PARN: variants seen among roughly 807,000 people sequenced by gnomAD.
PARN encodes the protein poly(A)-specific ribonuclease PARN.
Under a neutral mutation model 102.8 loss-of-function variants are expected in PARN, and 71 were observed. The observed-to-expected ratio is 0.69, with a 90% confidence interval of 0.57 to 0.84. The LOEUF (loss-of-function observed/expected upper bound fraction) is 0.84. Ranked by LOEUF, PARN falls within the 40% of genes least tolerant of loss-of-function variation. The pLI is 0.00. For synonymous variants in PARN, 261 were observed against 252.9 expected, an observed-to-expected ratio of 1.03 and a Z score of -0.30; for missense variants, 782 against 760.9, an observed-to-expected ratio of 1.03 and a Z score of -0.33.
chr16:14,571,504 G>A (rs775555630), intron 18 of PARN, among the ~76,000 whole-genome samples: 8 of 151,964 alleles, frequency 5.3e-5, no homozygotes, highest in South Asian at 4.2e-4. Context: ...GGTTTTTTGC[G>A]GGAGGTCTCC....
chr16:14,551,524 G>A (rs1018229233), intron 21 of PARN, among the ~76,000 whole-genome samples: 1 of 151,984 alleles, frequency 6.6e-6, no homozygotes, highest in African/African-American at 2.4e-5. Flanking sequence ...AGCCGACATT[G>A]CGCCACTGCA....
At chr16:14,617,327 T>C (rs1313151118) in intron 6 of PARN, among the ~76,000 whole-genome samples, 2 of 138,394 alleles carry the variant, frequency 1.4e-5, no homozygotes, top group African/African-American at 2.7e-5. Flanking sequence ...GAGCTTGCAG[T>C]GAGCCGAGAT....
intron 18 of PARN, among the ~76,000 whole-genome samples, chr16:14,567,800 C>T (rs931609698): frequency 6.6e-6 from 1 of 152,228 alleles, no homozygotes; most frequent in Non-Finnish European, 1.5e-5. Flanking sequence ...ACAAATCACA[C>T]AGCCTCACCA....
chr16:14,498,309 C>T (rs757234756), intron 21 of PARN, among the ~76,000 whole-genome samples: 5 of 152,038 alleles, frequency 3.3e-5, no homozygotes, highest in Non-Finnish European at 7.4e-5. Flanking sequence ...TGTCTGTCAC[C>T]AAAAGCAGCC....
intron 18 of PARN, among the ~76,000 whole-genome samples, chr16:14,573,737 G>C (rs749058766): frequency 2.0e-5 from 3 of 152,180 alleles, no homozygotes; most frequent in Non-Finnish European, 4.4e-5. Context: ...AGTCTCACGA[G>C]ATCTGGTGTT....
intron 9 of PARN, among the ~76,000 whole-genome samples, chr16:14,607,410 G>A (rs1290237335): frequency 2.0e-5 from 3 of 152,048 alleles, no homozygotes; most frequent in Admixed American, 6.6e-5. Context: ...GTTTCACCAT[G>A]TTGGCCAGGC....
chr16:14,461,303 G>A (rs564099118), intron 22 of PARN, among the ~76,000 whole-genome samples: 16 of 152,292 alleles, frequency 1.1e-4, no homozygotes, highest in African/African-American at 3.4e-4. Flanking sequence ...GGTAAAAACC[G>A]AGGAAATGTG....
chr16:14,461,252 C>A (rs1366570621), intron 22 of PARN, among the ~76,000 whole-genome samples: 1 of 152,024 alleles, frequency 6.6e-6, no homozygotes. Context: ...AATATGGTAT[C>A]CTAGATGAGA....
Position 14,552,058 on chromosome 16 carries a change from T to C in PARN, c.1443A>G (p.Ala481=), listed in dbSNP as rs1013269390. 13 of 1,612,604 alleles carry C rather than the reference T, an allele frequency of 8.1e-6. No individual in the cohort carries two copies. In the African/African-American group the frequency reaches 1.7e-4, roughly 22 times the overall value. ...IQISWIDDTS[A]FVSLSQPEQV... ...GCTCGGGCTGGCTAAGGGAAACAAA[T>C]GCTGATGTGTCATCAATCCAGGATA... The change falls in exon 21 of 24, where the codon GCA becomes GCG. Residue 481 remains alanine, a synonymous_variant. Transcript: ENST00000437198.
intron 12 of PARN, among the ~76,000 whole-genome samples, chr16:14,599,037 CTTTTTT>C (rs71150194): frequency 3.7e-5 from 3 of 81,460 alleles, no homozygotes; most frequent in African/African-American, 4.9e-5. Context: ...TTCTCCTCTT[CTTTTTT>C]TTTTTTTTTT....
Position 14,627,110 on chromosome 16 carries a change from CA to C in PARN, c.322del (p.Cys108ValfsTer9). ...AATCTCAATTATGCTACTTACCTGA[CA>C]AACAAATTTGACATCTGGTGAGGAT... ...NRSSPDVKFV[C>X]QSSSIDFLAS... On this transcript the variant is annotated frameshift_variant, in exon 5 of 24. Coordinates refer to ENST00000437198, the MANE Select transcript of PARN (RefSeq NM_002582.4). LOFTEE classifies it high-confidence loss of function. 1 of 1,581,708 alleles carries C rather than the reference CA, an allele frequency of 6.3e-7. No homozygotes were observed. Among genetic ancestry groups the C allele is most frequent in the Non-Finnish European group, 8.7e-7 (1 of 1,152,676 alleles).
intron 22 of PARN, among the ~76,000 whole-genome samples, chr16:14,450,313 G>A (rs887951080): frequency 1.2e-4 from 19 of 152,200 alleles, no homozygotes; most frequent in African/African-American, 4.3e-4. Flanking sequence ...GTAGTAGAAT[G>A]AGTGAAGCAA....
Position 14,582,266 on chromosome 16 carries a change from A to C in PARN, c.1107T>G (p.Tyr369Ter). ...CGTGGAGTTGTTCAGAGGCTGTGTC[A>C]TAACTTGGAAAACCTTCGGCACTTT... ...KVESAEGFPS[Y>*]DTASEQLHEA... Residue 369 changes from tyrosine (Y) to a stop codon, truncating the protein, a stop_gained, in exon 17 of 24, where the codon TAT becomes TAG. Transcript: ENST00000437198. LOFTEE classifies it high-confidence loss of function. The C allele has an allele frequency of 1.2e-6, 2 of 1,613,762 alleles. No individual in the cohort carries two copies. The highest frequency in any genetic ancestry group is 1.7e-6 in the Non-Finnish European group (2 of 1,179,626).
In PARN at chr16:14,543,508, T is replaced by C. The variant is rs546067579; in HGVS notation, c.1480+8513A>G. Among the ~76,000 whole-genome samples the C allele has an allele frequency of 1.2e-3, 187 of 152,332 alleles. 3 individuals are homozygous for C. In the South Asian group the frequency reaches 0.019, roughly 15 times the overall value. On this transcript the variant is annotated intron_variant, in intron 21 of 23. Transcript: ENST00000437198. Reference sequence around the variant, plus strand: ...GGATTTATAATGAATGCAGATGTAATACATATGCCCAATTAAAGCCTAAAA... The same window carrying C: ...GGATTTATAATGAATGCAGATGTAACACATATGCCCAATTAAAGCCTAAAA...
chr16:14,629,958 C>T (rs1401116317), intron 1 of PARN, 149 bp downstream of exon 1: 25 of 741,714 alleles, frequency 3.4e-5, no homozygotes, highest in Non-Finnish European at 5.4e-5. Flanking sequence ...CGGAAAAGAC[C>T]CCAAGAGGCG....
Position 14,593,290 on chromosome 16 carries a change from A to G in PARN, c.918+11T>C. On this transcript the variant is annotated intron_variant, in intron 13 of 23. Coordinates refer to ENST00000437198, the MANE Select transcript of PARN (RefSeq NM_002582.4). ...CTGCTAATATTAAACACAGACCAAC[A>G]GGTCACTTACCGCAGGCAGAGGGCA... 1.4e-6 allele frequency: 2 copies of G among 1,452,206 alleles called. No individual in the cohort carries two copies. Among genetic ancestry groups the G allele is most frequent in the Non-Finnish European group, 1.9e-6 (2 of 1,033,318 alleles). The allele number at this position is 1,452,206 out of a possible 1,614,324, so 90.0% of individuals were successfully genotyped here.
intron 21 of PARN, among the ~76,000 whole-genome samples, chr16:14,543,183 A>G (rs752916833): frequency 2.0e-5 from 3 of 152,208 alleles, no homozygotes; most frequent in Admixed American, 2.0e-4. Flanking sequence ...GCTTTAAAAC[A>G]CTGAAAGAAA....
At chr16:14,539,913 T>C (rs1966776809) in intron 21 of PARN, among the ~76,000 whole-genome samples, 1 of 152,234 alleles carries the variant, frequency 6.6e-6, no homozygotes, top group Non-Finnish European at 1.5e-5. Context: ...CTAAACAATA[T>C]ACAATATAAC....
chr16:14,604,310 G>C, intron 10 of PARN, 84 bp from the exon 11 acceptor site: 1 of 812,570 alleles, frequency 1.2e-6, no homozygotes, highest in East Asian at 2.7e-5. Flanking sequence ...GCTCAGGCTG[G>C]AGTGCAATTG....
Sources: allele counts gnomAD v4.1 joint callset (sites outside exome capture counted in the v4.1 genomes callset), GRCh38; gene constraint gnomAD v4.1.1; transcripts MANE v1.5; gene names NCBI Gene and HGNC (gene_info 2026-07-23, HGNC 2026-07-21).